Variants in LRP1B observed in about 807,000 individuals in gnomAD.
LRP1B encodes the protein low-density lipoprotein receptor-related protein 1B.
In LRP1B, 217 loss-of-function variants were observed where a neutral mutation model predicts 556.6. That is an observed-to-expected ratio of 0.39 (90% CI 0.35 to 0.44). The LOEUF is 0.44. Among genes scored for constraint, LRP1B ranks in the 20% least tolerant of loss-of-function variants. The pLI, the probability that LRP1B is intolerant of heterozygous loss-of-function variation, is 1.00. For missense variants in LRP1B, 5,053 were observed against 5,620.8 expected (o/e 0.90, Z 3.23); for synonymous variants, 2,047 against 1,865.8 (o/e 1.10, Z -2.50).
chr2:141,901,501 A>G (rs1699617060), intron 1 of LRP1B, among the ~76,000 whole-genome samples: 1 of 152,012 alleles, frequency 6.6e-6, no homozygotes, highest in African/African-American at 2.4e-5. Flanking sequence ...TCTAGTATTT[A>G]CGGGACTTAT....
At chr2:142,004,663 T>C (rs998213817) in intron 1 of LRP1B, among the ~76,000 whole-genome samples, 1 of 151,926 alleles carries the variant, frequency 6.6e-6, no homozygotes, top group Non-Finnish European at 1.5e-5. Flanking sequence ...CTGGCCAACA[T>C]GCCAAAACCC....
intron 3 of LRP1B, among the ~76,000 whole-genome samples, chr2:141,276,978 G>A (rs1168095399): frequency 6.6e-6 from 1 of 152,034 alleles, no homozygotes; most frequent in African/African-American, 2.4e-5. Context: ...TATTTTTATG[G>A]ATATGTATAC....
intron 2 of LRP1B, among the ~76,000 whole-genome samples, chr2:141,724,524 T>A (rs575545398): frequency 1.3e-5 from 2 of 152,008 alleles, no homozygotes; most frequent in South Asian, 4.1e-4. Flanking sequence ...GGGAGACCAA[T>A]TATTACAATA....
At chr2:141,167,015 C>G (rs1044474643) in intron 7 of LRP1B, among the ~76,000 whole-genome samples, 3 of 151,890 alleles carry the variant, frequency 2.0e-5, no homozygotes, top group Admixed American at 6.6e-5. Context: ...ACACTGAAAT[C>G]TAGTTGAAAC....
chr2:141,493,854 T>C (rs1683422630), intron 2 of LRP1B, among the ~76,000 whole-genome samples: 2 of 152,204 alleles, frequency 1.3e-5, no homozygotes, highest in South Asian at 4.1e-4. Flanking sequence ...TCACATGCTT[T>C]GCCTTGATGA....
intron 3 of LRP1B, among the ~76,000 whole-genome samples, chr2:141,301,938 C>T (rs966073097): frequency 2.0e-5 from 3 of 152,112 alleles, no homozygotes; most frequent in Admixed American, 6.6e-5. Flanking sequence ...GATATATTGA[C>T]ATTAGTCCCT....
chr2:140,827,006 C>T (rs978086507), intron 31 of LRP1B, among the ~76,000 whole-genome samples: 6 of 152,226 alleles, frequency 3.9e-5, no homozygotes, highest in African/African-American at 1.4e-4. Context: ...GAACCCCACT[C>T]CAATTCAGGA....
At chr2:142,116,535 TAGA>T (rs954734030) in intron 1 of LRP1B, among the ~76,000 whole-genome samples, 27 of 152,124 alleles carry the variant, frequency 1.8e-4, no homozygotes, top group African/African-American at 6.5e-4. Flanking sequence ...GATATTGGGA[TAGA>T]AGGTCATTAG....
intron 35 of LRP1B, among the ~76,000 whole-genome samples, chr2:140,729,616 G>T (rs566831044): frequency 3.8e-4 from 58 of 152,144 alleles, no homozygotes; most frequent in African/African-American, 1.3e-3. Flanking sequence ...TCTATTGAAG[G>T]CCATGTGTAT....
chr2:141,859,597 TATA>T (rs2105785611), intron 1 of LRP1B, among the ~76,000 whole-genome samples: 1 of 152,312 alleles, frequency 6.6e-6, no homozygotes, highest in East Asian at 1.9e-4. Context: ...ATAGGGAAAC[TATA>T]GCTAACAATA....
intron 7 of LRP1B, among the ~76,000 whole-genome samples, chr2:141,102,738 A>T (rs1017195503): frequency 1.3e-5 from 2 of 152,132 alleles, no homozygotes; most frequent in African/African-American, 4.8e-5. Flanking sequence ...GATAGGCCAT[A>T]AGTGAGTTCT....
chr2:141,195,553 C>T (rs573251457), intron 6 of LRP1B, among the ~76,000 whole-genome samples: 1 of 152,186 alleles, frequency 6.6e-6, no homozygotes, highest in South Asian at 2.1e-4. Context: ...TGTTGGCTTC[C>T]CAGCTCTTGG....
chr2:141,236,855 C>A (rs1217039210), intron 5 of LRP1B, among the ~76,000 whole-genome samples: 5 of 152,058 alleles, frequency 3.3e-5, no homozygotes, highest in African/African-American at 1.2e-4. Flanking sequence ...AAAATGTAAG[C>A]CCCAGATAAT....
chr2:141,969,946 C>G (rs1041496319), intron 1 of LRP1B, among the ~76,000 whole-genome samples: 2 of 151,412 alleles, frequency 1.3e-5, no homozygotes, highest in African/African-American at 4.8e-5. Context: ...CAACACTTAT[C>G]TTTCATCTTT....
At chr2:141,588,606 T>C (rs79797134) in intron 2 of LRP1B, among the ~76,000 whole-genome samples, 4,236 of 152,250 alleles carry the variant, frequency 0.028, 214 homozygotes, top group African/African-American at 0.094. Context: ...CTCCATGGGC[T>C]TCCGTTTCTT....
intron 7 of LRP1B, among the ~76,000 whole-genome samples, chr2:141,080,506 G>A (rs1029543726): frequency 2.6e-5 from 4 of 152,004 alleles, no homozygotes; most frequent in South Asian, 2.1e-4. Context: ...TTGACATTAC[G>A]ACTTAACTCC....
intron 1 of LRP1B, among the ~76,000 whole-genome samples, chr2:141,939,950 A>G (rs1223313351): frequency 6.6e-6 from 1 of 152,120 alleles, no homozygotes; most frequent in Admixed American, 6.5e-5. Flanking sequence ...CACTATCACT[A>G]TGTCACATTA....
intron 3 of LRP1B, among the ~76,000 whole-genome samples, chr2:141,371,736 T>A (rs1025071428): frequency 1.3e-5 from 2 of 152,218 alleles, no homozygotes; most frequent in African/African-American, 2.4e-5. Flanking sequence ...AATCTTACTG[T>A]ATTCACTTAT....
chr2:140,912,956 T>TTTAAATTTTTTAAATTTTAGTTTA lies in LRP1B; in HGVS notation c.3320-4880_3320-4879insTAAACTAAAATTTAAAAAATTTAA, dbSNP rs566456201. 2.2e-3 allele frequency among the ~76,000 whole-genome samples: 332 copies of TTTAAATTTTTTAAATTTTAGTTTA among 151,876 alleles called. 2 individuals are homozygous for TTTAAATTTTTTAAATTTTAGTTTA. The highest frequency in any genetic ancestry group is 7.6e-3 in the African/African-American group (315 of 41,560). ...GTAAACGGACTTGTTTTTAGTTTAATAAAAAGATAACAAATGTTGTAATGG... is the reference window on the plus strand; with the variant it reads ...GTAAACGGACTTGTTTTTAGTTTAATTTAAATTTTTTAAATTTTAGTTTAAAAAAGATAACAAATGTTGTAATGG... On this transcript the variant is annotated intron_variant, in intron 21 of 90. Transcript: ENST00000389484.
Sources: allele counts gnomAD v4.1 joint callset (sites outside exome capture counted in the v4.1 genomes callset), GRCh38; gene constraint gnomAD v4.1.1; transcripts MANE v1.5; gene names NCBI Gene and HGNC (gene_info 2026-07-23, HGNC 2026-07-21).